AOX1: variants seen among roughly 807,000 people sequenced by gnomAD.
AOX1 encodes aldehyde oxidase 1, also known as aldehyde oxidase.
A neutral mutation model predicts 169.5 loss-of-function variants in AOX1; 153 were observed. The observed-to-expected ratio is 0.90, with a 90% CI of 0.79 to 1.03. AOX1 has a LOEUF of 1.03. AOX1 is among the 50% of genes least tolerant of loss of function. AOX1 has a pLI of 0.00. For synonymous variants in AOX1, 562 were observed against 581.9 expected (o/e 0.97, Z 0.49); for missense variants, 1,656 against 1,663.9 (o/e 1.00, Z 0.08).
chr2:200,656,120 C>G (rs2035677206), intron 26 of AOX1, among the ~76,000 whole-genome samples: 1 of 152,224 alleles, frequency 6.6e-6, no homozygotes, highest in Admixed American at 6.5e-5. Flanking sequence ...GGTTGCCTTG[C>G]AGGCTTTCCC....
chr2:200,602,738 A>G (rs554537367), intron 6 of AOX1, among the ~76,000 whole-genome samples: 1 of 152,226 alleles, frequency 6.6e-6, no homozygotes, highest in African/African-American at 2.4e-5. Context: ...CCATGTCTTC[A>G]CCAGACTGTG....
At chr2:200,681,502 C>T (rs568154250), downstream of AOX1, 2 of 152,634 alleles carry the variant, frequency 1.3e-5, no homozygotes, top group Non-Finnish European at 2.9e-5. Context: ...AAGTCTCTAA[C>T]CTCTTCAACT....
At chr2:200,676,843 G>C in intron 4 of AOX1, 1 of 458,052 alleles carries the variant, frequency 2.2e-6, no homozygotes, top group Non-Finnish European at 4.5e-6. Context: ...AAATGGCCCC[G>C]GAAGCTGCTT....
chr2:200,591,565 T>C (rs530981116), intron 1 of AOX1, among the ~76,000 whole-genome samples: 1 of 152,166 alleles, frequency 6.6e-6, no homozygotes, highest in Non-Finnish European at 1.5e-5. Context: ...CGGAAATAGT[T>C]GGTTATTAAT....
At chr2:200,641,949 C>T (rs1490799572) in intron 24 of AOX1, among the ~76,000 whole-genome samples, 1 of 152,026 alleles carries the variant, frequency 6.6e-6, no homozygotes, top group Non-Finnish European at 1.5e-5. Flanking sequence ...TCAAGACCAG[C>T]CTGACCACAT....
intron 29 of AOX1, 78 bp from the exon 30 acceptor site, chr2:200,661,501 G>A: frequency 1.8e-6 from 2 of 1,132,466 alleles, no homozygotes; most frequent in Non-Finnish European, 2.7e-6. Flanking sequence ...AACACACAGG[G>A]TAAAATTAAA....
chr2:200,627,322 A>G lies in AOX1; in HGVS notation c.2125-31A>G, dbSNP rs539413201. On this transcript the variant is annotated intron_variant, in intron 19 of 34. Transcript: ENST00000374700. The stretch of plus-strand genomic sequence containing the variant: ...TGCCCTAGGGCAGGGTCTCTTGCCC[A>G]AGCTGCCTCATTCCTCTGTTCTCTT... The G allele has an allele frequency of 3.7e-4, 565 of 1,532,868 alleles. 4 individuals carry two copies. The South Asian group carries it at 5.6e-3, about 15-fold the overall frequency. 95.0% of individuals were successfully genotyped at this position (1,532,868 alleles called of 1,614,324 possible). A position where few individuals can be genotyped will look rare whatever the true frequency, so the allele number is the denominator to read the frequency against.
chr2:200,616,669 A>G (rs2034764644), intron 16 of AOX1, among the ~76,000 whole-genome samples: 1 of 152,232 alleles, frequency 6.6e-6, no homozygotes, highest in African/African-American at 2.4e-5. Flanking sequence ...CCTAACTCTC[A>G]AATGGAATTT....
At chr2:200,640,418 C>A (rs1408808708) in intron 23 of AOX1, among the ~76,000 whole-genome samples, 1 of 152,118 alleles carries the variant, frequency 6.6e-6, no homozygotes, top group East Asian at 1.9e-4. Context: ...GCAGCTGATG[C>A]ATTCAGACAT....
intron 29 of AOX1, among the ~76,000 whole-genome samples, chr2:200,661,358 A>T (rs937379390): frequency 1.3e-5 from 2 of 152,228 alleles, no homozygotes; most frequent in Non-Finnish European, 2.9e-5. Flanking sequence ...AGCCTGTATC[A>T]TACCACAGCG....
At chr2:200,649,770 CCTGTGCCTTCTG>C in intron 25 of AOX1, among the ~76,000 whole-genome samples, 1 of 152,186 alleles carries the variant, frequency 6.6e-6, no homozygotes, top group Non-Finnish European at 1.5e-5. Context: ...CTTCTCCTCC[CCTGTGCCTTCTG>C]CTGTGATGCT....
chr2:200,644,417 T>C (rs1398678704), intron 25 of AOX1, among the ~76,000 whole-genome samples: 2 of 152,356 alleles, frequency 1.3e-5, no homozygotes, highest in East Asian at 3.9e-4. Context: ...TATGTGCCTA[T>C]TTTTATACAC....
intron 1 of AOX1, among the ~76,000 whole-genome samples, chr2:200,590,366 A>C (rs2106363577): frequency 6.6e-6 from 1 of 152,306 alleles, no homozygotes; most frequent in South Asian, 2.1e-4. Flanking sequence ...AGATGAGTAC[A>C]TGCAATGACC....
At chr2:200,651,847 T>C (rs1439862041) in intron 26 of AOX1, among the ~76,000 whole-genome samples, 2 of 152,166 alleles carry the variant, frequency 1.3e-5, no homozygotes, top group African/African-American at 4.8e-5. Flanking sequence ...CATTCATTCT[T>C]AAGAATGAAT....
intron 10 of AOX1, 26 bp from the exon 11 acceptor site, chr2:200,608,958 G>A (rs772983456): frequency 6.2e-7 from 1 of 1,607,968 alleles, no homozygotes; most frequent in Non-Finnish European, 8.5e-7. Context: ...ATCGCACTGT[G>A]TTATTTACAA....
At chr2:200,649,950 C>G (rs540285294) in intron 25 of AOX1, among the ~76,000 whole-genome samples, 180 of 152,346 alleles carry the variant, frequency 1.2e-3, no homozygotes, top group Middle Eastern at 6.8e-3. Flanking sequence ...AATTGGCAGT[C>G]CTTGGACCTT....
At chr2:200,648,305 C>T (rs1559254346) in intron 25 of AOX1, among the ~76,000 whole-genome samples, 1 of 152,230 alleles carries the variant, frequency 6.6e-6, no homozygotes, top group African/African-American at 2.4e-5. Context: ...TACTCTCCCC[C>T]TTTCCCTATG....
intron 4 of AOX1, 48 bp from the exon 5 acceptor site, chr2:200,599,572 T>G (rs10179964): frequency 3.9e-6 from 6 of 1,533,150 alleles, no homozygotes; most frequent in African/African-American, 1.4e-5. Flanking sequence ...TCATTAGGCC[T>G]GGGATGGGGC....
intron 25 of AOX1, among the ~76,000 whole-genome samples, chr2:200,649,049 T>C (rs961910872): frequency 1.3e-5 from 2 of 152,242 alleles, no homozygotes; most frequent in South Asian, 2.1e-4. Context: ...TTTCTCCCCC[T>C]GCCTGTGGAG....
Sources: gnomAD v4.1 joint callset for allele counts (sites outside exome capture counted in the v4.1 genomes callset) on GRCh38, gnomAD v4.1.1 for gene constraint, MANE v1.5 for transcripts, NCBI Gene and HGNC (gene_info 2026-07-23, HGNC 2026-07-21) for gene names.